The following RECK variants were observed in gnomAD, a reference collection of about 807,000 sequenced individuals.
RECK encodes reversion inducing cysteine rich protein with kazal motifs, also known as reversion-inducing cysteine-rich protein with Kazal motifs.
Under a neutral mutation model 115.1 loss-of-function variants are expected in RECK, and 69 were observed. The observed-to-expected ratio is 0.60, with a 90% CI of 0.49 to 0.73. The LOEUF (loss-of-function observed/expected upper bound fraction) is 0.73, where lower values mean the gene tolerates loss of function less well. Among genes scored for constraint, RECK ranks in the 30% least tolerant of loss-of-function variants. The pLI, the probability that RECK is intolerant of heterozygous loss-of-function variation, is 0.00. For missense variants in RECK, 1,047 were observed against 1,203.7 expected (o/e 0.87, Z 1.93); for synonymous variants, 414 against 419.7 (o/e 0.99, Z 0.17).
At chr9:36,104,313 TA>T (rs1823695468) in intron 12 of RECK, among the ~76,000 whole-genome samples, 5 of 68,210 alleles carry the variant, frequency 7.3e-5, no homozygotes, top group South Asian at 5.2e-4. Flanking sequence ...TATATATATA[TA>T]TATATATATA....
Position 36,107,055 on chromosome 9 carries a change from G to A in RECK, c.1577-921G>A, listed in dbSNP as rs535271734. 2.9e-3 allele frequency among the ~76,000 whole-genome samples: 415 copies of A among 143,638 alleles called. 3 individuals are homozygous for A. Among genetic ancestry groups the A allele is most frequent in the Middle Eastern group, 0.016 (4 of 246 alleles). The allele number at this position is 143,638 out of a possible 152,430, so 94.2% of individuals were successfully genotyped here. The stretch of plus-strand genomic sequence containing the variant: ...TGGGAGGTGGAGCTTGCAGTGAGCC[G>A]AGATCGTGCCACTGCACTCCAGCCT... On this transcript the variant is annotated intron_variant, in intron 13 of 20. Transcript: ENST00000377966.
chr9:36,039,348 A>C (rs1483427130), intron 1 of RECK, among the ~76,000 whole-genome samples: 1 of 152,240 alleles, frequency 6.6e-6, no homozygotes. Context: ...TTAAGAACAC[A>C]ATATAAAATT....
At chr9:36,056,886 T>G in intron 2 of RECK, 1 of 714,250 alleles carries the variant, frequency 1.4e-6, no homozygotes, top group South Asian at 6.3e-5. Context: ...TGATATTCTA[T>G]CTCTTTTCAC....
intron 16 of RECK, among the ~76,000 whole-genome samples, chr9:36,116,516 C>T (rs767765708): frequency 6.6e-6 from 1 of 152,250 alleles, no homozygotes; most frequent in African/African-American, 2.4e-5. Context: ...CAAGGGCCTC[C>T]AGCCTCAGGC....
intron 6 of RECK, among the ~76,000 whole-genome samples, chr9:36,079,792 G>T (rs1285855190): frequency 6.6e-6 from 1 of 152,098 alleles, no homozygotes; most frequent in East Asian, 1.9e-4. Flanking sequence ...ATTATTCATA[G>T]CTGACAAGCC....
intron 1 of RECK, among the ~76,000 whole-genome samples, chr9:36,043,048 C>G (rs1422134353): frequency 1.2e-5 from 1 of 84,616 alleles, no homozygotes; most frequent in Non-Finnish European, 2.0e-5. Context: ...TTTGTTGAGA[C>G]GGAGTCTCGC....
chr9:36,066,158 C>T (rs148200057), intron 6 of RECK, among the ~76,000 whole-genome samples: 1 of 152,212 alleles, frequency 6.6e-6, no homozygotes, highest in East Asian at 1.9e-4. Context: ...ATTTCTAACA[C>T]TGGTATCTAG....
intron 6 of RECK, among the ~76,000 whole-genome samples, chr9:36,069,867 G>A (rs921008506): frequency 6.6e-6 from 1 of 152,140 alleles, no homozygotes; most frequent in Non-Finnish European, 1.5e-5. Context: ...CAGAAAAAAA[G>A]GCATTGCCTT....
chr9:36,100,171 G>C (rs1426916684), intron 10 of RECK, among the ~76,000 whole-genome samples, 160 bp from the exon 11 acceptor site: 1 of 152,214 alleles, frequency 6.6e-6, no homozygotes, highest in Non-Finnish European at 1.5e-5. Flanking sequence ...TGTCTACACT[G>C]AATCTTCATA....
intron 20 of RECK, 97 bp from the exon 21 acceptor site, chr9:36,122,727 G>C: frequency 1.1e-6 from 1 of 903,912 alleles, no homozygotes. Context: ...TGCCCTCTGA[G>C]GCCACGCTAC....
chr9:36,100,638 C>A, intron 11 of RECK, 95 bp downstream of exon 11: 1 of 867,024 alleles, frequency 1.2e-6, no homozygotes, highest in Non-Finnish European at 1.8e-6. Flanking sequence ...TCTCTTACCA[C>A]TTCCTTTGCC....
chr9:36,082,913 G>GGTTTT (rs1459609060), intron 7 of RECK, among the ~76,000 whole-genome samples: 7 of 152,152 alleles, frequency 4.6e-5, no homozygotes, highest in African/African-American at 1.7e-4. Flanking sequence ...GGTTTGGTTT[G>GGTTTT]GTTTTGCTTT....
At chr9:36,073,221 GACACACACAGACACACACAGAC>G (rs1379888477) in intron 6 of RECK, among the ~76,000 whole-genome samples, 3 of 134,256 alleles carry the variant, frequency 2.2e-5, no homozygotes, top group East Asian at 2.3e-4. Context: ...GCAACACACA[GACACACACAGACACACACAGAC>G]ACACACACAC....
At position 36,065,579 on chromosome 9, in the gene RECK, A is replaced by G; in HGVS notation, c.360A>G (p.Ala120=). 6.3e-7 allele frequency: 1 copy of G among 1,584,534 alleles called. No homozygotes were observed. Among genetic ancestry groups the G allele is most frequent in the Non-Finnish European group, 8.6e-7 (1 of 1,168,120 alleles). Residue 120 remains alanine, a splice_region_variant and synonymous_variant, in exon 6 of 21, where the codon GCA becomes GCG. Coordinates refer to ENST00000377966, the MANE Select transcript of RECK (RefSeq NM_021111.3). ...ALECRQACKQ[A]SSKNDISKVC... ...TGGAGAAATTTGTTGGTTTTTAGGC[A>G]TCTTCAAAGAATGATATTTCCAAAG...
chr9:36,109,244 G>A (rs899979305), intron 14 of RECK, among the ~76,000 whole-genome samples: 2 of 152,208 alleles, frequency 1.3e-5, no homozygotes, highest in African/African-American at 4.8e-5. Context: ...CGGGGGATGA[G>A]ATCATGCTTT....
intron 10 of RECK, among the ~76,000 whole-genome samples, chr9:36,095,500 C>A (rs1284327050): frequency 6.6e-6 from 1 of 152,160 alleles, no homozygotes; most frequent in Non-Finnish European, 1.5e-5. Flanking sequence ...GATACCAAAA[C>A]CGACATGGAC....
intron 17 of RECK, among the ~76,000 whole-genome samples, chr9:36,117,869 A>G (rs1335546485): frequency 6.6e-6 from 1 of 152,156 alleles, no homozygotes; most frequent in Non-Finnish European, 1.5e-5. Context: ...AATCCCAGCT[A>G]CTCAGGAGGC....
At chr9:36,065,536 G>A in intron 5 of RECK, 41 bp from the exon 6 acceptor site, 2 of 1,506,232 alleles carry the variant, frequency 1.3e-6, no homozygotes, top group Non-Finnish European at 9.0e-7. Flanking sequence ...GTGCTGAATA[G>A]CATGTATAAT....
intron 1 of RECK, among the ~76,000 whole-genome samples, chr9:36,039,606 A>G (rs1820799418): frequency 6.6e-6 from 1 of 152,200 alleles, no homozygotes. Context: ...ATCCTGCAGT[A>G]TCAGCATCGT....
Sources: gnomAD v4.1 joint callset for allele counts (sites outside exome capture counted in the v4.1 genomes callset) on GRCh38, gnomAD v4.1.1 for gene constraint, MANE v1.5 for transcripts, NCBI Gene and HGNC (gene_info 2026-07-23, HGNC 2026-07-21) for gene names.